CYP19A1: variants seen among roughly 807,000 people sequenced by gnomAD.
CYP19A1 encodes aromatase.
In CYP19A1, 32 loss-of-function variants were observed where a neutral mutation model predicts 44.4. The observed-to-expected ratio is 0.72, with a 90% confidence interval of 0.54 to 0.97. CYP19A1 has a LOEUF of 0.97. CYP19A1 is among the 50% of genes least tolerant of loss of function. The pLI is 0.00. For missense variants in CYP19A1, 598 were observed against 637.8 expected, an observed-to-expected ratio of 0.94 and a Z score of 0.67; for synonymous variants, 212 against 215.6, an observed-to-expected ratio of 0.98 and a Z score of 0.14.
intron 1 of CYP19A1, among the ~76,000 whole-genome samples, chr15:51,303,319 AC>A (rs1219715783): frequency 4.0e-5 from 6 of 151,216 alleles, no homozygotes; most frequent in Non-Finnish European, 5.9e-5. Flanking sequence ...AGTTCTTGAC[AC>A]CCTTCCAATC....
intron 4 of CYP19A1, among the ~76,000 whole-genome samples, chr15:51,224,994 T>C (rs2032450747): frequency 6.6e-6 from 1 of 152,248 alleles, no homozygotes; most frequent in African/African-American, 2.4e-5. Flanking sequence ...AAACTCATTA[T>C]AAGCATCCAT....
intron 3 of CYP19A1, among the ~76,000 whole-genome samples, chr15:51,233,718 C>T (rs918985809): frequency 1.3e-4 from 20 of 152,214 alleles, no homozygotes; most frequent in Middle Eastern, 3.4e-3. Context: ...AATTAGCATG[C>T]TAATTGCTAA....
chr15:51,241,833 A>C (rs1190809847), intron 2 of CYP19A1, among the ~76,000 whole-genome samples: 1 of 152,174 alleles, frequency 6.6e-6, no homozygotes, highest in African/African-American at 2.4e-5. Flanking sequence ...TGTTAAAAAG[A>C]ATCCAGACAC....
At chr15:51,230,931 C>T (rs1284240205) in intron 3 of CYP19A1, among the ~76,000 whole-genome samples, 2 of 152,170 alleles carry the variant, frequency 1.3e-5, no homozygotes, top group Non-Finnish European at 2.9e-5. Flanking sequence ...TGGTAACAAA[C>T]ATTTAAAAAC....
chr15:51,293,117 G>T (rs757295887), intron 1 of CYP19A1, among the ~76,000 whole-genome samples: 7 of 152,082 alleles, frequency 4.6e-5, no homozygotes, highest in Non-Finnish European at 8.8e-5. Flanking sequence ...TGGGGGAAAG[G>T]GTGGGAGGGG....
rs138389448 is a variant in CYP19A1, at chr15:51,300,356, G to A, written c.-39+38139C>T. The stretch of plus-strand genomic sequence containing the variant: ...CTAAGCTACAACTCACGAGAGGGCC[G>A]CACGCAGCCTATTAGCTTCTCAGTG... On this transcript the variant is annotated intron_variant, in intron 1 of 9. Transcript: ENST00000396402. Among the ~76,000 whole-genome samples the A allele has an allele frequency of 9.2e-5, 14 of 152,292 alleles. No individual in the cohort carries two copies. In the East Asian group the frequency reaches 1.7e-3, roughly 19 times the overall value.
chr15:51,240,089 A>C (rs1282974659), intron 2 of CYP19A1, among the ~76,000 whole-genome samples: 3 of 129,668 alleles, frequency 2.3e-5, no homozygotes, highest in African/African-American at 8.7e-5. Flanking sequence ...TCTCCGCAGA[A>C]TGACCCTTTC....
In CYP19A1 at chr15:51,210,462, A is replaced by G. The variant is rs2030823650; in HGVS notation, c.*346T>C. ...CATAAAAATCCCCTTGGGTTGAGGC[A>G]GTAGAGCTCTACTGGGGAACCAGAC... On this transcript the variant is annotated 3_prime_UTR_variant, in exon 10 of 10. Coordinates refer to ENST00000396402, the MANE Select transcript of CYP19A1 (RefSeq NM_000103.4). The G allele has an allele frequency of 1.9e-6, 1 of 528,076 alleles. No individual in the cohort carries two copies. Among genetic ancestry groups the G allele is most frequent in the Non-Finnish European group, 3.7e-6 (1 of 272,982 alleles). 32.7% of individuals were successfully genotyped at this position (528,076 alleles called of 1,614,324 possible). A position where few individuals can be genotyped will look rare whatever the true frequency, so the allele number is the denominator to read the frequency against.
At chr15:51,242,646 CAT>C in intron 2 of CYP19A1, 120 bp downstream of exon 2, 1 of 703,384 alleles carries the variant, frequency 1.4e-6, no homozygotes, top group Non-Finnish European at 2.6e-6. Context: ...CTAACACAGA[CAT>C]AGTCTTCAGA....
intron 1 of CYP19A1, among the ~76,000 whole-genome samples, chr15:51,294,416 G>A (rs1488372944): frequency 6.0e-5 from 9 of 150,688 alleles, no homozygotes; most frequent in Non-Finnish European, 1.3e-4. Flanking sequence ...CGTCTGAGAA[G>A]TGAGGAGACC....
At chr15:51,213,336 A>G (rs2031223285) in intron 8 of CYP19A1, among the ~76,000 whole-genome samples, 1 of 152,202 alleles carries the variant, frequency 6.6e-6, no homozygotes, top group Admixed American at 6.5e-5. Context: ...GACTTAGATT[A>G]TTCCCAGACA....
rs780440634 is a variant in CYP19A1 at position 51,242,847 on chromosome 15, A to T, written c.66T>A (p.Pro22=). ...GGAGCAGGACTGGCATGGTGGCAGC[A>T]GGCATGGCTTCAGGCACGATGCTGG... ...NITSIVPEAM[P]AATMPVLLLT... is the part of the protein sequence containing the mutation. The change falls in exon 2 of 10, where the codon CCT becomes CCA. Residue 22 remains proline, a synonymous_variant. Coordinates refer to ENST00000396402, the MANE Select transcript of CYP19A1 (RefSeq NM_000103.4). The T allele has an allele frequency of 6.3e-6, 10 of 1,597,652 alleles. No individual in the cohort carries two copies. In the East Asian group the frequency reaches 2.2e-4, roughly 36 times the overall value.
intron 1 of CYP19A1, among the ~76,000 whole-genome samples, chr15:51,306,725 G>T (rs529416759): frequency 6.6e-6 from 1 of 152,350 alleles, no homozygotes; most frequent in South Asian, 2.1e-4. Context: ...ACAGAAGCAA[G>T]TTACAGACAT....
intron 4 of CYP19A1, among the ~76,000 whole-genome samples, chr15:51,226,654 A>C (rs1347128682): frequency 3.9e-5 from 6 of 152,178 alleles, no homozygotes; most frequent in Admixed American, 3.3e-4. Flanking sequence ...GGCCAGACCT[A>C]AAATCATCTA....
At chr15:51,308,461 G>A (rs1173633680) in intron 1 of CYP19A1, among the ~76,000 whole-genome samples, 1 of 152,098 alleles carries the variant, frequency 6.6e-6, no homozygotes, top group African/African-American at 2.4e-5. Flanking sequence ...GCACTTGATT[G>A]AATTATATCC....
At chr15:51,291,660 T>C (rs746576589) in intron 1 of CYP19A1, among the ~76,000 whole-genome samples, 3 of 152,168 alleles carry the variant, frequency 2.0e-5, no homozygotes, top group African/African-American at 7.2e-5. Context: ...AATGTGGGCA[T>C]TGAGGACTGG....
At chr15:51,229,080 G>A (rs543810020) in intron 3 of CYP19A1, among the ~76,000 whole-genome samples, 17 of 152,198 alleles carry the variant, frequency 1.1e-4, no homozygotes, top group East Asian at 3.9e-4. Flanking sequence ...CCAAAAAAGC[G>A]CTGCTCTGGT....
intron 1 of CYP19A1, among the ~76,000 whole-genome samples, chr15:51,255,010 T>A (rs1201934840): frequency 6.6e-6 from 1 of 152,014 alleles, no homozygotes. Flanking sequence ...TATGGGAGGA[T>A]GTAACAGAAA....
chr15:51,226,545 G>A (rs899247672), intron 4 of CYP19A1, among the ~76,000 whole-genome samples: 1 of 152,226 alleles, frequency 6.6e-6, no homozygotes, highest in Non-Finnish European at 1.5e-5. Flanking sequence ...CCAGTGGGCA[G>A]AGGTACTGGC....
Sources: allele counts gnomAD v4.1 joint callset (sites outside exome capture counted in the v4.1 genomes callset), GRCh38; gene constraint gnomAD v4.1.1; transcripts MANE v1.5; gene names NCBI Gene and HGNC (gene_info 2026-07-23, HGNC 2026-07-21).